The following NXN variants were observed in gnomAD, a reference collection of about 807,000 sequenced individuals.
NXN encodes nucleoredoxin.
In NXN, 16 loss-of-function variants were observed where a neutral mutation model predicts 48.6. That is an observed-to-expected ratio of 0.33 (90% confidence interval 0.22 to 0.50). The LOEUF (loss-of-function observed/expected upper bound fraction) is 0.50. Among genes scored for constraint, NXN ranks in the 20% least tolerant of loss-of-function variants. NXN has a pLI of 0.98. For synonymous variants in NXN, 281 were observed against 269.6 expected (o/e 1.04, Z -0.41); for missense variants, 492 against 605.5 (o/e 0.81, Z 1.97).
rs2069483529 is a variant in NXN, at chr17:978,144, C to T, written c.360+1175G>A. On this transcript the variant is annotated intron_variant, in intron 1 of 7. Transcript: ENST00000336868. The surrounding 1 kb of genome is among the most constrained non-coding windows in gnomAD (Gnocchi z 4.1). ...TATAAAAGGAACACGTGGCACGCCT[C>T]GCCATGCTCCCCAGAGGAAACTAAA... Among the ~76,000 whole-genome samples, 1 of 152,180 alleles carries T rather than the reference C, an allele frequency of 6.6e-6. No homozygotes were observed.
intron 1 of NXN, among the ~76,000 whole-genome samples, chr17:857,800 G>A (rs543821760): frequency 1.6e-4 from 24 of 152,192 alleles, no homozygotes; most frequent in African/African-American, 5.3e-4. Flanking sequence ...TAGGTGGCAC[G>A]AGTATCCCTC....
intron 1 of NXN, among the ~76,000 whole-genome samples, chr17:924,016 G>A (rs1207945916): frequency 3.3e-5 from 5 of 152,006 alleles, no homozygotes; most frequent in Non-Finnish European, 7.4e-5. Flanking sequence ...GCAGTGGGGA[G>A]GTTTATGATT....
At chr17:874,494 G>A (rs2068193354) in intron 1 of NXN, among the ~76,000 whole-genome samples, 2 of 152,236 alleles carry the variant, frequency 1.3e-5, no homozygotes, top group African/African-American at 2.4e-5. Flanking sequence ...TGACACAGGA[G>A]AATCGCTTGA....
intron 1 of NXN, among the ~76,000 whole-genome samples, chr17:828,570 T>A (rs1913268682): frequency 1.3e-5 from 2 of 150,944 alleles, no homozygotes; most frequent in South Asian, 4.2e-4. Context: ...TCCAGCTAAT[T>A]TTTCTATTTT....
chr17:806,921 T>TACACAC (rs5818767), intron 5 of NXN, among the ~76,000 whole-genome samples: 9 of 148,210 alleles, frequency 6.1e-5, no homozygotes, highest in Non-Finnish European at 1.2e-4. Context: ...CACACTCACA[T>TACACAC]ACACACACAC....
chr17:934,855 C>T (rs2068892011), intron 1 of NXN, among the ~76,000 whole-genome samples: 1 of 152,048 alleles, frequency 6.6e-6, no homozygotes, highest in Non-Finnish European at 1.5e-5. Flanking sequence ...GCCTGGGTGA[C>T]AGGAAGACGC....
Position 932,762 on chromosome 17 carries a change from T to C in NXN, c.360+46557A>G, listed in dbSNP as rs2068867924. ...GCAGCTGAGTGGGTGGGGAGTGCCTTGTTGTGGCCGGCTTCGCATAAGTCA... is the reference window on the plus strand; with the variant it reads ...GCAGCTGAGTGGGTGGGGAGTGCCTCGTTGTGGCCGGCTTCGCATAAGTCA... On this transcript the variant is annotated intron_variant, in intron 1 of 7. Coordinates refer to ENST00000336868, the MANE Select transcript of NXN (RefSeq NM_022463.5). This position sits in a 1 kb window ranked among gnomAD's most constrained non-coding sequence, Gnocchi z 4.1. Among the ~76,000 whole-genome samples the C allele has an allele frequency of 6.6e-6, 1 of 152,138 alleles. No homozygotes were observed. Among genetic ancestry groups the C allele is most frequent in the African/African-American group, 2.4e-5 (1 of 41,434 alleles).
At chr17:935,428 G>A (rs967067203) in intron 1 of NXN, among the ~76,000 whole-genome samples, 16 of 152,194 alleles carry the variant, frequency 1.1e-4, no homozygotes, top group African/African-American at 3.6e-4. Context: ...GAAGAACACT[G>A]AGAAGTGGGA....
intron 1 of NXN, chr17:842,674 A>C: frequency 2.0e-6 from 1 of 502,140 alleles, no homozygotes; most frequent in Non-Finnish European, 2.6e-6. Context: ...GCAGTGGCTC[A>C]TGCCTGTAAT....
chr17:903,525 G>A (rs1224251006), intron 1 of NXN, among the ~76,000 whole-genome samples: 1 of 152,110 alleles, frequency 6.6e-6, no homozygotes, highest in African/African-American at 2.4e-5. Context: ...TGGGACTACA[G>A]GCGTGCGCTA....
chr17:957,588 A>C lies in NXN; in HGVS notation c.360+21731T>G, dbSNP rs565305522. On this transcript the variant is annotated intron_variant, in intron 1 of 7. Transcript: ENST00000336868. ...TGTAGGTTGCAGTGAGCCAAGATCA[A>C]GCCACTGCACTCCAGCCTGGGCGAC... 7.9e-5 allele frequency among the ~76,000 whole-genome samples: 12 copies of C among 151,428 alleles called. No homozygotes were observed. In the East Asian group the frequency reaches 1.4e-3, roughly 17 times the overall value.
chr17:977,386 G>A (rs528679312), intron 1 of NXN, among the ~76,000 whole-genome samples: 2 of 152,344 alleles, frequency 1.3e-5, no homozygotes, highest in East Asian at 3.9e-4. Flanking sequence ...TTCTCATCAT[G>A]GAGGAATCAG....
intron 1 of NXN, chr17:879,958 T>C (rs951226880): frequency 1.3e-5 from 2 of 152,150 alleles, no homozygotes; most frequent in Admixed American, 6.5e-5. Context: ...CAAAATGACA[T>C]GGAGCCCAAT....
At chr17:901,782 C>G (rs1011011495) in intron 1 of NXN, among the ~76,000 whole-genome samples, 1 of 152,192 alleles carries the variant, frequency 6.6e-6, no homozygotes, top group African/African-American at 2.4e-5. Context: ...TCACTGCAAC[C>G]TCTGCCTACT....
chr17:884,599 G>T (rs925979316), intron 1 of NXN, among the ~76,000 whole-genome samples: 2 of 152,124 alleles, frequency 1.3e-5, no homozygotes, highest in African/African-American at 2.4e-5. Context: ...GTTGGGCTGG[G>T]GACAGGCTGG....
rs138967441 is a variant in NXN, at chr17:958,749, G to A, written c.360+20570C>T. On this transcript the variant is annotated intron_variant, in intron 1 of 7. Coordinates refer to ENST00000336868, the MANE Select transcript of NXN (RefSeq NM_022463.5). This position sits in a 1 kb window ranked among gnomAD's most constrained non-coding sequence, Gnocchi z 6.9. ...TGAACTCCAGCACAGGCGACAGAGC[G>A]AGACTCCCTCTCAAAAAATAAAATA... Among the ~76,000 whole-genome samples, 62 of 152,156 alleles carry A rather than the reference G, an allele frequency of 4.1e-4. No individual in the cohort carries two copies. Among genetic ancestry groups the A allele is most frequent in the Middle Eastern group, 3.4e-3 (1 of 294 alleles).
intron 1 of NXN, among the ~76,000 whole-genome samples, chr17:913,009 T>C (rs1182990439): frequency 6.6e-6 from 1 of 152,028 alleles, no homozygotes; most frequent in Non-Finnish European, 1.5e-5. Context: ...AAAATAGCAC[T>C]TTTCTCTGTC....
At chr17:937,192 C>T (rs1017035135) in intron 1 of NXN, among the ~76,000 whole-genome samples, 3 of 151,996 alleles carry the variant, frequency 2.0e-5, no homozygotes, top group Non-Finnish European at 2.9e-5. Context: ...TCATGTTGGC[C>T]GGGCTGGTCT....
intron 1 of NXN, among the ~76,000 whole-genome samples, chr17:965,560 G>T (rs1269618599): frequency 1.3e-5 from 2 of 152,076 alleles, no homozygotes; most frequent in African/African-American, 4.8e-5. Context: ...ATCCAATCAG[G>T]GCAAGTTTGG....
Sources: gnomAD v4.1 joint callset for allele counts (sites outside exome capture counted in the v4.1 genomes callset) on GRCh38, gnomAD v4.1.1 for gene constraint, Gnocchi (gnomAD v3.1) non-coding constraint, MANE v1.5 for transcripts, NCBI Gene and HGNC (gene_info 2026-07-23, HGNC 2026-07-21) for gene names.